The following EPHA5 variants were observed in gnomAD, a reference collection of about 807,000 sequenced individuals.
EPHA5 encodes the protein ephrin type-A receptor 5.
In EPHA5, 60 loss-of-function variants were observed where a neutral mutation model predicts 105.0. The ratio of observed to expected loss-of-function variants is 0.57; its 90% CI spans 0.46 to 0.71. EPHA5 has a LOEUF of 0.71. EPHA5 is among the 30% of genes least tolerant of loss of function. EPHA5 has a pLI of 0.00. For synonymous variants in EPHA5, 513 were observed against 449.1 expected (o/e 1.14, Z -1.80); for missense variants, 1,218 against 1,274.7 (o/e 0.96, Z 0.68).
chr4:65,542,240 G>A (rs1736913083), intron 3 of EPHA5, among the ~76,000 whole-genome samples: 1 of 151,902 alleles, frequency 6.6e-6, no homozygotes, highest in Admixed American at 6.6e-5. Flanking sequence ...TGAGATCAGA[G>A]TGGAACTGAA....
At chr4:65,404,558 T>G (rs770962678) in intron 7 of EPHA5, 79 bp from the exon 8 acceptor site, 1 of 1,224,980 alleles carries the variant, frequency 8.2e-7, no homozygotes, top group East Asian at 2.4e-5. Flanking sequence ...TAATAGACAG[T>G]AATCAATTCA....
intron 3 of EPHA5, among the ~76,000 whole-genome samples, chr4:65,575,389 C>G (rs1359671865): frequency 1.3e-5 from 2 of 152,184 alleles, no homozygotes; most frequent in East Asian, 3.9e-4. Context: ...TCTCTACCTA[C>G]TACTTTCGTA....
chr4:65,551,254 A>ATG (rs71657186), intron 3 of EPHA5, among the ~76,000 whole-genome samples: 3,430 of 141,480 alleles, frequency 0.024, 45 homozygotes, highest in South Asian at 0.038. Flanking sequence ...ATATTTATAT[A>ATG]TGTGTGTGTG....
At chr4:65,641,984 G>T (rs1392079628) in intron 2 of EPHA5, among the ~76,000 whole-genome samples, 1 of 152,014 alleles carries the variant, frequency 6.6e-6, no homozygotes, top group Non-Finnish European at 1.5e-5. Context: ...CAAATGTATA[G>T]TTGCAACAGC....
At chr4:65,644,163 T>C (rs1243289895) in intron 1 of EPHA5, among the ~76,000 whole-genome samples, 1 of 151,868 alleles carries the variant, frequency 6.6e-6, no homozygotes, top group Non-Finnish European at 1.5e-5. Flanking sequence ...AGGACGGAAG[T>C]TTGAGTACCG....
At chr4:65,620,120 A>G (rs1028827412) in intron 2 of EPHA5, among the ~76,000 whole-genome samples, 3 of 147,474 alleles carry the variant, frequency 2.0e-5, no homozygotes, top group Non-Finnish European at 4.5e-5. Context: ...ATATATATAT[A>G]TATATATATT....
intron 8 of EPHA5, among the ~76,000 whole-genome samples, chr4:65,400,304 A>G (rs1323044224): frequency 1.3e-5 from 2 of 152,180 alleles, no homozygotes; most frequent in African/African-American, 4.8e-5. Flanking sequence ...GGCTTAATTT[A>G]TTTCCATCCT....
chr4:65,499,599 C>T (rs1732280344), intron 3 of EPHA5, among the ~76,000 whole-genome samples: 1 of 151,504 alleles, frequency 6.6e-6, no homozygotes, highest in Non-Finnish European at 1.5e-5. Flanking sequence ...CAATATTTGA[C>T]ATGCCCTCTT....
At chr4:65,463,857 T>C (rs1287051522) in intron 5 of EPHA5, among the ~76,000 whole-genome samples, 2 of 152,070 alleles carry the variant, frequency 1.3e-5, no homozygotes, top group Admixed American at 1.3e-4. Context: ...AGGGAAATAA[T>C]TTTTTAAAAC....
At chr4:65,596,111 T>C (rs940903773) in intron 3 of EPHA5, among the ~76,000 whole-genome samples, 12 of 152,230 alleles carry the variant, frequency 7.9e-5, no homozygotes, top group Non-Finnish European at 1.5e-4. Flanking sequence ...ATCTCCTTCA[T>C]TCTTCCAAAT....
In EPHA5 at chr4:65,550,073, C is replaced by G. The variant is rs377212249; in HGVS notation, c.910+51568G>C. Among the ~76,000 whole-genome samples the G allele has an allele frequency of 9.9e-5, 15 of 151,534 alleles. No individual in the cohort carries two copies. The East Asian group carries it at 1.7e-3, about 18-fold the overall frequency. On this transcript the variant is annotated intron_variant, in intron 3 of 16. Transcript: ENST00000613740. ...CATTTGAAACACACCCACAAAAATC[C>G]TTAGGAATTTTTTTCAAAGCATAAA...
At chr4:65,420,624 T>C in intron 5 of EPHA5, 59 bp from the exon 6 acceptor site, 3 of 1,517,264 alleles carry the variant, frequency 2.0e-6, no homozygotes, top group South Asian at 1.2e-5. Context: ...AGTAAACCTG[T>C]TATGTTTATT....
chr4:65,468,298 G>T (rs1043966873), intron 5 of EPHA5, among the ~76,000 whole-genome samples: 24 of 151,444 alleles, frequency 1.6e-4, no homozygotes, highest in Non-Finnish European at 5.9e-5. Context: ...GAGATGGTTT[G>T]TTACATATCA....
At chr4:65,403,141 G>A (rs1722014298) in intron 8 of EPHA5, among the ~76,000 whole-genome samples, 1 of 152,072 alleles carries the variant, frequency 6.6e-6, no homozygotes, top group Non-Finnish European at 1.5e-5. Flanking sequence ...AGAAGTAATA[G>A]AATTTTCATA....
rs1000185236 is a variant in EPHA5, at chr4:65,470,317, G to A, written c.1402+20060C>T. Among the ~76,000 whole-genome samples the A allele has an allele frequency of 4.0e-5, 6 of 151,460 alleles. No homozygotes were observed. The South Asian group carries it at 6.3e-4, about 16-fold the overall frequency. Reference sequence around the variant, plus strand: ...AGTGATTATCCCACCTCAGCCTCCCGAGTAGCTGGGATTACAGGTGTGTGC... The same window carrying A: ...AGTGATTATCCCACCTCAGCCTCCCAAGTAGCTGGGATTACAGGTGTGTGC... On this transcript the variant is annotated intron_variant, in intron 5 of 16. Transcript: ENST00000613740.
intron 5 of EPHA5, among the ~76,000 whole-genome samples, chr4:65,474,447 A>G (rs1345780170): frequency 1.3e-5 from 2 of 152,180 alleles, no homozygotes; most frequent in Non-Finnish European, 2.9e-5. Flanking sequence ...AGAGGAAACT[A>G]TTTACTGAGT....
At chr4:65,502,933 T>TA (rs1178498305) in intron 3 of EPHA5, among the ~76,000 whole-genome samples, 2 of 151,624 alleles carry the variant, frequency 1.3e-5, no homozygotes, top group African/African-American at 4.8e-5. Context: ...TACACAACCA[T>TA]AAAAAAAGAA....
At chr4:65,426,666 T>C (rs902680565) in intron 5 of EPHA5, among the ~76,000 whole-genome samples, 2 of 152,182 alleles carry the variant, frequency 1.3e-5, no homozygotes, top group Admixed American at 6.6e-5. Context: ...AAAGGATATA[T>C]AGCACATGGT....
intron 3 of EPHA5, among the ~76,000 whole-genome samples, chr4:65,574,709 C>CATATATATACATATAT (rs1740686114): frequency 1.5e-5 from 1 of 67,782 alleles, no homozygotes; most frequent in African/African-American, 5.1e-5. Flanking sequence ...CATATATATA[C>CATATATATACATATAT]ATATATATAT....
Sources: gnomAD v4.1 joint callset for allele counts (sites outside exome capture counted in the v4.1 genomes callset) on GRCh38, gnomAD v4.1.1 for gene constraint, MANE v1.5 for transcripts, NCBI Gene and HGNC (gene_info 2026-07-23, HGNC 2026-07-21) for gene names.